SLC18B1: variants seen among roughly 807,000 people sequenced by gnomAD.
SLC18B1 encodes the protein MFS-type transporter SLC18B1.
In SLC18B1, 62 loss-of-function variants were observed where a neutral mutation model predicts 53.9. The ratio of observed to expected loss-of-function variants is 1.15; its 90% CI spans 0.94 to 1.42. SLC18B1 has a LOEUF of 1.42. Ranked by LOEUF, SLC18B1 falls within the 40% of genes most tolerant of loss-of-function variation. The pLI, the probability that SLC18B1 is intolerant of heterozygous loss-of-function variation, is 0.00. For missense variants in SLC18B1, 598 were observed against 547.3 expected, an observed-to-expected ratio of 1.09 and a Z score of -0.93; for synonymous variants, 217 against 200.9, an observed-to-expected ratio of 1.08 and a Z score of -0.68.
chr6:132,795,136 A>C (rs540527420), intron 2 of SLC18B1, among the ~76,000 whole-genome samples: 1 of 151,932 alleles, frequency 6.6e-6, no homozygotes, highest in East Asian at 1.9e-4. Context: ...TAGTATGGAT[A>C]GAGGGAAGCC....
intron 4 of SLC18B1, 51 bp from the exon 5 acceptor site, chr6:132,787,632 T>C (rs1442226990): frequency 6.8e-7 from 1 of 1,464,180 alleles, no homozygotes; most frequent in Non-Finnish European, 9.0e-7. Flanking sequence ...TTCTTTTTTT[T>C]TTTTTCCTTT....
intron 5 of SLC18B1, among the ~76,000 whole-genome samples, chr6:132,784,678 G>A (rs1208251527): frequency 1.3e-5 from 2 of 152,134 alleles, no homozygotes; most frequent in Non-Finnish European, 2.9e-5. Flanking sequence ...TTGGCAAATT[G>A]AGGCACATAC....
chr6:132,780,612 A>G (rs1211001608), intron 6 of SLC18B1, among the ~76,000 whole-genome samples: 3 of 95,466 alleles, frequency 3.1e-5, no homozygotes, highest in Admixed American at 1.6e-4. Flanking sequence ...TTTTTTTTGG[A>G]GTGCAGTGGT....
chr6:132,798,466 G>T lies in SLC18B1; in HGVS notation c.-10C>A. 6.6e-7 allele frequency: 1 copy of T among 1,509,878 alleles called. No homozygotes were observed. Among genetic ancestry groups the T allele is most frequent in the Non-Finnish European group, 8.9e-7 (1 of 1,124,512 alleles). 93.5% of individuals were successfully genotyped at this position (1,509,878 alleles called of 1,614,324 possible). ...CACCCAGCGCCTCCATCCCCGGTGC[G>T]TGGACTCCGGCGCCCCAGCTCCCGG... On this transcript the variant is annotated 5_prime_UTR_variant, in exon 1 of 14. Coordinates refer to ENST00000275227, the MANE Select transcript of SLC18B1 (RefSeq NM_052831.3).
rs199927117 is a variant in SLC18B1, at chr6:132,783,920, A to C, written c.658+13T>G. 4.2e-5 allele frequency: 66 copies of C among 1,573,224 alleles called. No individual in the cohort carries two copies. The East Asian group carries it at 1.5e-3, about 35-fold the overall frequency. ...TTTAAGGTTCTTAAAATGAGTAATA[A>C]GTGTGGACTTACCGTAATTGGGTAA... On this transcript the variant is annotated intron_variant, in intron 6 of 13. Transcript: ENST00000275227.
At chr6:132,797,169 T>C in intron 1 of SLC18B1, 48 bp from the exon 2 acceptor site, 1 of 1,605,604 alleles carries the variant, frequency 6.2e-7, no homozygotes, top group African/African-American at 1.3e-5. Context: ...AGACTACTGA[T>C]TAAAGTACAC....
At position 132,798,437 on chromosome 6, in the gene SLC18B1, A is replaced by G. The variant is rs982793826; in HGVS notation, c.20T>C (p.Leu7Pro). The stretch of plus-strand genomic sequence containing the variant: ...ACCTCCTGGTGCGCGTGGTCCCTCC[A>G]GGTCACCCAGCGCCTCCATCCCCGG... MEALGDLEGPRAPGGDD... is the reference protein window; with the variant it reads MEALGDPEGPRAPGGDD... The change falls in exon 1 of 14, where the codon CTG becomes CCG. Residue 7 changes from leucine to proline, a missense_variant. Physicochemically the swap from Leu to Pro is moderately conservative, Grantham distance 98 (BLOSUM62 -3). Coordinates refer to ENST00000275227, the MANE Select transcript of SLC18B1 (RefSeq NM_052831.3). 9 of 1,529,214 alleles carry G rather than the reference A, an allele frequency of 5.9e-6. No individual in the cohort carries two copies. The African/African-American group carries it at 1.1e-4, about 19-fold the overall frequency. The allele number at this position is 1,529,214 out of a possible 1,614,324, so 94.7% of individuals were successfully genotyped here. A position where few individuals can be genotyped will look rare whatever the true frequency, so the allele number is the denominator to read the frequency against.
chr6:132,796,876 T>A lies in SLC18B1; in HGVS notation c.183+106A>T, dbSNP rs550218674. Reference sequence around the variant, plus strand: ...AGTTCTATACACCATCTGTCCTATATGCAGATTTTTACATTTTATATACTA... The same window carrying A: ...AGTTCTATACACCATCTGTCCTATAAGCAGATTTTTACATTTTATATACTA... On this transcript the variant is annotated intron_variant, in intron 2 of 13. Coordinates refer to ENST00000275227, the MANE Select transcript of SLC18B1 (RefSeq NM_052831.3). 21 of 1,224,712 alleles carry A rather than the reference T, an allele frequency of 1.7e-5. No homozygotes were observed. In the South Asian group the frequency reaches 3.4e-4, roughly 20 times the overall value. 75.9% of individuals were successfully genotyped at this position (1,224,712 alleles called of 1,614,324 possible).
rs1562269960 is a variant in SLC18B1 at position 132,789,782 on chromosome 6, C to A, written c.335G>T (p.Gly112Val). Residue 112 changes from glycine (G) to valine (V), a missense_variant, in exon 4 of 14, where the codon GGA becomes GTA. Coordinates refer to ENST00000275227, the MANE Select transcript of SLC18B1 (RefSeq NM_052831.3). Reference sequence around the variant, plus strand: ...GACTTACCCAAAGAGAATTGTAACTCCTCCTGAGACAAACATTCCTGCTAC... The same window carrying A: ...GACTTACCCAAAGAGAATTGTAACTACTCCTGAGACAAACATTCCTGCTAC... ...MFVAGMFVSG[G>V]VTILFGVLDR... 6.2e-7 allele frequency: 1 copy of A among 1,613,142 alleles called. No homozygotes were observed. The highest frequency in any genetic ancestry group is 1.3e-5 in the African/African-American group (1 of 75,016).
intron 5 of SLC18B1, among the ~76,000 whole-genome samples, chr6:132,786,721 A>G (rs1781386625): frequency 6.6e-6 from 1 of 152,118 alleles, no homozygotes; most frequent in Admixed American, 6.5e-5. Context: ...ACATGCTATA[A>G]GGGCGCCATA....
intron 7 of SLC18B1, among the ~76,000 whole-genome samples, chr6:132,776,942 G>A (rs1321353943): frequency 3.3e-5 from 5 of 152,114 alleles, no homozygotes; most frequent in Non-Finnish European, 5.9e-5. Flanking sequence ...ATGTAAAACC[G>A]GGTGTGGTGG....
intron 5 of SLC18B1, among the ~76,000 whole-genome samples, chr6:132,786,865 C>G (rs1781392579): frequency 6.6e-6 from 1 of 152,032 alleles, no homozygotes. Context: ...CAGGTCTATA[C>G]GCATCTAGGC....
rs141721114 is a variant in SLC18B1, at chr6:132,790,239, C to T, written c.217G>A (p.Gly73Ser). 363 of 1,573,498 alleles carry T rather than the reference C, an allele frequency of 2.3e-4. No individual in the cohort carries two copies. Among genetic ancestry groups the T allele is most frequent in the Non-Finnish European group, 3.0e-4 (344 of 1,157,408 alleles). ...AAAGCAAAACATCCAAAGATCATAC[C>T]GATAATTGTATTGCTGGCTCCCTTC... is the stretch of plus-strand genomic sequence containing the variant. ...EKKGASNTII[G>S]MIFGCFALFE... The change falls in exon 3 of 14, where the codon GGT (glycine) becomes AGT (serine). Residue 73 changes from glycine to serine, a missense_variant. Coordinates refer to ENST00000275227, the MANE Select transcript of SLC18B1 (RefSeq NM_052831.3).
chr6:132,774,910 C>CA (rs1296540247), intron 8 of SLC18B1, among the ~76,000 whole-genome samples: 3 of 151,146 alleles, frequency 2.0e-5, no homozygotes, highest in East Asian at 1.9e-4. Flanking sequence ...GACTCTGTCT[C>CA]AAAAAAAAGC....
intron 8 of SLC18B1, 49 bp from the exon 9 acceptor site, chr6:132,774,362 T>C: frequency 7.1e-7 from 1 of 1,406,762 alleles, no homozygotes; most frequent in Non-Finnish European, 1.0e-6. Context: ...GCAAAGACCC[T>C]CCATAATCAA....
At chr6:132,789,886 C>A in intron 3 of SLC18B1, 49 bp from the exon 4 acceptor site, 5 of 1,310,322 alleles carry the variant, frequency 3.8e-6, no homozygotes, top group South Asian at 2.4e-5. Context: ...TTCCGAAAGT[C>A]TATATTGATA....
At chr6:132,784,326 A>C (rs1394911991) in intron 5 of SLC18B1, among the ~76,000 whole-genome samples, 1 of 152,180 alleles carries the variant, frequency 6.6e-6, no homozygotes, top group Non-Finnish European at 1.5e-5. Flanking sequence ...AAAACACAGA[A>C]GATAAAAAAG....
At position 132,797,011 on chromosome 6, in the gene SLC18B1, A is replaced by G. The variant is rs1781709628; in HGVS notation, c.154T>C (p.Ser52Pro). Residue 52 changes from serine to proline, a missense_variant, in exon 2 of 14, where the codon TCT becomes CCT. Coordinates refer to ENST00000275227, the MANE Select transcript of SLC18B1 (RefSeq NM_052831.3). The stretch of plus-strand genomic sequence containing the variant: ...TTGGGGAAAAACGGTCCAAGTATAG[A>G]ATAGCACATCATGGAACCTAAGTTC... ...SVNLGSMMCY[S>P]ILGPFFPKEA... is the part of the protein sequence containing the mutation. The G allele has an allele frequency of 1.9e-6, 3 of 1,614,056 alleles. No individual in the cohort carries two copies. The highest frequency in any genetic ancestry group is 1.7e-6 in the Non-Finnish European group (2 of 1,180,024).
At chr6:132,785,897 C>CAAAAAAAAAAAAAAAAAAA (rs71545048) in intron 5 of SLC18B1, among the ~76,000 whole-genome samples, 78 of 80,998 alleles carry the variant, frequency 9.6e-4, no homozygotes, top group East Asian at 2.1e-3. Context: ...CCTGTCTCTA[C>CAAAAAAAAAAAAAAAAAAA]AAAAAAAAAA....
Sources: gnomAD v4.1 joint callset for allele counts (sites outside exome capture counted in the v4.1 genomes callset) on GRCh38, gnomAD v4.1.1 for gene constraint, MANE v1.5 for transcripts, NCBI Gene and HGNC (gene_info 2026-07-23, HGNC 2026-07-21) for gene names.